The following NRG3 variants were observed in gnomAD, a reference collection of about 807,000 sequenced individuals.
NRG3 encodes the protein neuregulin 3.
Under a neutral mutation model 66.9 loss-of-function variants are expected in NRG3, and 31 were observed. The observed-to-expected ratio is 0.46, with a 90% CI of 0.35 to 0.63. NRG3 has a LOEUF of 0.63. Among genes scored for constraint, NRG3 ranks in the 20% least tolerant of loss-of-function variants. The pLI, the probability that NRG3 is intolerant of heterozygous loss-of-function variation, is 0.00. For missense variants in NRG3, 910 were observed against 878.9 expected (o/e 1.04, Z -0.45); for synonymous variants, 393 against 359.4 (o/e 1.09, Z -1.06).
At chr10:82,580,328 AT>A (rs2046282190) in intron 2 of NRG3, among the ~76,000 whole-genome samples, 1 of 151,900 alleles carries the variant, frequency 6.6e-6, no homozygotes. Flanking sequence ...CAGAGTTCCT[AT>A]ATAATCACTC....
At chr10:82,912,145 G>A (rs1290994794) in intron 4 of NRG3, among the ~76,000 whole-genome samples, 2 of 152,118 alleles carry the variant, frequency 1.3e-5, no homozygotes, top group Non-Finnish European at 2.9e-5. Context: ...TTCTGCTATG[G>A]TTAGATTAAG....
intron 2 of NRG3, among the ~76,000 whole-genome samples, chr10:82,579,106 A>G (rs1424283221): frequency 6.6e-6 from 1 of 151,796 alleles, no homozygotes; most frequent in Non-Finnish European, 1.5e-5. Flanking sequence ...TTTCATGAAG[A>G]GGCAAAAAGG....
intron 2 of NRG3, among the ~76,000 whole-genome samples, chr10:82,573,010 C>T (rs117548950): frequency 6.6e-6 from 1 of 151,676 alleles, no homozygotes; most frequent in Admixed American, 6.6e-5. Flanking sequence ...CTGCCATTCA[C>T]GAATGCATTA....
chr10:82,383,473 T>A (rs936937445), intron 2 of NRG3, among the ~76,000 whole-genome samples: 5 of 152,150 alleles, frequency 3.3e-5, no homozygotes, highest in African/African-American at 1.2e-4. Flanking sequence ...TTGTGTAATT[T>A]TTGGTTAAAT....
At chr10:82,648,793 T>C (rs1265338770) in intron 2 of NRG3, among the ~76,000 whole-genome samples, 1 of 152,174 alleles carries the variant, frequency 6.6e-6, no homozygotes, top group Non-Finnish European at 1.5e-5. Context: ...TCACTCATGA[T>C]TTGGCTCTCT....
rs185156274 is a variant in NRG3, at chr10:82,890,305, C to A, written c.1054+24868C>A. ...AGACATATCAAGGAAAAGAACGGTG[C>A]TGATTTTTTAAAAGACAGTCACTTG... is the stretch of plus-strand genomic sequence containing the variant. On this transcript the variant is annotated intron_variant, in intron 4 of 8. Coordinates refer to ENST00000372141, the MANE Select transcript of NRG3 (RefSeq NM_001010848.4). 9.2e-5 allele frequency among the ~76,000 whole-genome samples: 14 copies of A among 152,142 alleles called. No homozygotes were observed. The East Asian group carries it at 2.7e-3, about 29-fold the overall frequency.
chr10:82,940,082 T>C (rs78952235), intron 4 of NRG3, among the ~76,000 whole-genome samples: 71 of 152,226 alleles, frequency 4.7e-4, no homozygotes, highest in African/African-American at 1.6e-3. Flanking sequence ...GCATTTTTGG[T>C]ACAAGACCAT....
chr10:82,203,344 A>G (rs755576230), intron 1 of NRG3, among the ~76,000 whole-genome samples: 8 of 152,176 alleles, frequency 5.3e-5, no homozygotes, highest in Non-Finnish European at 1.0e-4. Context: ...GAAAGCATCA[A>G]ACACGCCTCC....
intron 2 of NRG3, among the ~76,000 whole-genome samples, chr10:82,613,199 A>G (rs2048416401): frequency 6.6e-6 from 1 of 152,196 alleles, no homozygotes; most frequent in South Asian, 2.1e-4. Context: ...TTTGTGAAAT[A>G]TTCTAAAGGA....
chr10:82,228,705 A>G (rs1380688163), intron 1 of NRG3, among the ~76,000 whole-genome samples: 2 of 152,216 alleles, frequency 1.3e-5, no homozygotes, highest in African/African-American at 2.4e-5. Context: ...TAAAATAACT[A>G]GAAGGAAATT....
chr10:82,926,785 A>G (rs957755444), intron 4 of NRG3, among the ~76,000 whole-genome samples: 18 of 152,216 alleles, frequency 1.2e-4, no homozygotes, highest in Non-Finnish European at 1.5e-5. Flanking sequence ...CTGTGGCAAT[A>G]TTAAAGTGTG....
At position 82,739,705 on chromosome 10, in the gene NRG3, C is replaced by T. The variant is rs116962456; in HGVS notation, c.1027+1055C>T. On this transcript the variant is annotated intron_variant, in intron 3 of 8. Coordinates refer to ENST00000372141, the MANE Select transcript of NRG3 (RefSeq NM_001010848.4). ...TTAATTTAATTCTATTTTATCTTGA[C>T]GAAGCAATTCACCATACAGTAACTA... Among the ~76,000 whole-genome samples, 930 of 152,240 alleles carry T rather than the reference C, an allele frequency of 6.1e-3. 5 individuals carry two copies. Among genetic ancestry groups the T allele is most frequent in the Non-Finnish European group, 0.01 (701 of 68,006 alleles).
intron 1 of NRG3, among the ~76,000 whole-genome samples, chr10:82,260,971 A>G (rs1463920983): frequency 1.3e-5 from 2 of 152,072 alleles, no homozygotes; most frequent in Non-Finnish European, 2.9e-5. Flanking sequence ...AGGTATTTGG[A>G]TCATGGGGCA....
Position 82,133,382 on chromosome 10 carries a change from G to A in NRG3, c.824-225357G>A, listed in dbSNP as rs575854238. On this transcript the variant is annotated intron_variant, in intron 1 of 8. Coordinates refer to ENST00000372141, the MANE Select transcript of NRG3 (RefSeq NM_001010848.4). The stretch of plus-strand genomic sequence containing the variant: ...CAGGAATTAAGTCCCATACCCAATA[G>A]TTATATTTTCTGTTCGTCTCCCTCC... 5.3e-5 allele frequency among the ~76,000 whole-genome samples: 8 copies of A among 152,232 alleles called. No homozygotes were observed. The South Asian group carries it at 1.7e-3, about 32-fold the overall frequency.
intron 4 of NRG3, among the ~76,000 whole-genome samples, chr10:82,896,896 C>A (rs1342237909): frequency 6.6e-6 from 1 of 152,174 alleles, no homozygotes; most frequent in Non-Finnish European, 1.5e-5. Context: ...GTTTTCATCA[C>A]TAAACCCCAT....
chr10:82,276,309 G>T (rs915072581), intron 1 of NRG3, among the ~76,000 whole-genome samples: 1 of 151,928 alleles, frequency 6.6e-6, no homozygotes, highest in Non-Finnish European at 1.5e-5. Context: ...TAGTTTAAAT[G>T]AAATCTCATT....
At chr10:82,169,756 A>G (rs947481364) in intron 1 of NRG3, among the ~76,000 whole-genome samples, 3 of 151,604 alleles carry the variant, frequency 2.0e-5, no homozygotes, top group Non-Finnish European at 2.9e-5. Context: ...TCTCTATTAA[A>G]GATTATGTGT....
intron 3 of NRG3, among the ~76,000 whole-genome samples, chr10:82,747,591 TC>T (rs2058698049): frequency 6.6e-6 from 1 of 152,108 alleles, no homozygotes; most frequent in African/African-American, 2.4e-5. Flanking sequence ...CAATATTGAA[TC>T]CTTTTTTCAC....
At chr10:82,014,461 A>G (rs1476641937) in intron 1 of NRG3, among the ~76,000 whole-genome samples, 2 of 152,206 alleles carry the variant, frequency 1.3e-5, no homozygotes, top group African/African-American at 4.8e-5. Flanking sequence ...GCAATAAAAT[A>G]GCTAAACACC....
Sources: allele counts gnomAD v4.1 joint callset (sites outside exome capture counted in the v4.1 genomes callset), GRCh38; gene constraint gnomAD v4.1.1; transcripts MANE v1.5; gene names NCBI Gene and HGNC (gene_info 2026-07-23, HGNC 2026-07-21).